TANC2: variants seen among roughly 807,000 people sequenced by gnomAD.
TANC2 encodes protein TANC2.
Under a neutral mutation model 210.5 loss-of-function variants are expected in TANC2, and 26 were observed. The observed-to-expected ratio is 0.12, with a 90% CI of 0.09 to 0.17. TANC2 has a LOEUF of 0.17. TANC2 is among the 10% of genes least tolerant of loss of function. The probability of loss-of-function intolerance (pLI) is 1.00; values close to 1 mark genes in which losing one functional copy is unlikely to be tolerated. For synonymous variants in TANC2, 931 were observed against 967.1 expected (o/e 0.96, Z 0.69); for missense variants, 2,129 against 2,608.9 (o/e 0.82, Z 4.01).
chr17:63,389,338 A>G, exon 17 of TANC2: 1 of 1,612,810 alleles, frequency 6.2e-7, no homozygotes, highest in Non-Finnish European at 8.5e-7. Context: ...GGGAGGTGCC[A>G]ATATTAATTA....
intron 9 of TANC2, 48 bp from the exon 10 acceptor site, chr17:63,314,340 C>G: frequency 6.3e-7 from 1 of 1,596,736 alleles, no homozygotes; most frequent in Non-Finnish European, 8.6e-7. Context: ...TTGTTTCTCT[C>G]AATGTTGACA....
intron 3 of TANC2, among the ~76,000 whole-genome samples, chr17:63,080,922 C>A (rs1200122677): frequency 1.3e-5 from 2 of 152,068 alleles, no homozygotes; most frequent in Admixed American, 1.3e-4. Context: ...TGTGAAAGTA[C>A]TATTATTTTC....
intron 10 of TANC2, among the ~76,000 whole-genome samples, chr17:63,315,037 C>G (rs146959017): frequency 1.3e-5 from 2 of 152,294 alleles, no homozygotes; most frequent in Non-Finnish European, 2.9e-5. Context: ...TATTTGCCAG[C>G]ACAGTCTGTT....
intron 1 of TANC2, among the ~76,000 whole-genome samples, chr17:62,980,187 C>T (rs148631443): frequency 2.0e-5 from 3 of 152,320 alleles, no homozygotes; most frequent in African/African-American, 7.2e-5. Flanking sequence ...CCTGAGGGCA[C>T]TCCTTCCCCT....
At chr17:63,124,024 T>G (rs1169340264) in intron 4 of TANC2, among the ~76,000 whole-genome samples, 1 of 152,124 alleles carries the variant, frequency 6.6e-6, no homozygotes, top group African/African-American at 2.4e-5. Flanking sequence ...AGGATGCGAA[T>G]TGAACAAATA....
chr17:63,219,167 A>G (rs573437040), intron 7 of TANC2, among the ~76,000 whole-genome samples: 1 of 152,344 alleles, frequency 6.6e-6, no homozygotes, highest in African/African-American at 2.4e-5. Context: ...TACTGTTAAG[A>G]TGTCAATTCT....
intron 14 of TANC2, among the ~76,000 whole-genome samples, chr17:63,376,269 T>TA (rs2047421156): frequency 7.8e-6 from 1 of 128,890 alleles, no homozygotes; most frequent in Non-Finnish European, 1.7e-5. Context: ...CCATCTCTAC[T>TA]AAAAAATACA....
intron 11 of TANC2, among the ~76,000 whole-genome samples, chr17:63,337,979 A>G (rs2146770520): frequency 6.6e-6 from 1 of 152,334 alleles, no homozygotes; most frequent in East Asian, 1.9e-4. Context: ...ATAGTATTCC[A>G]TGGTGTATAT....
intron 3 of TANC2, among the ~76,000 whole-genome samples, chr17:63,097,949 A>G (rs903036834): frequency 1.3e-5 from 2 of 152,090 alleles, no homozygotes; most frequent in Non-Finnish European, 2.9e-5. Context: ...CTACATTTAC[A>G]TCTATTTATT....
intron 10 of TANC2, among the ~76,000 whole-genome samples, chr17:63,315,719 T>C (rs1167007417): frequency 6.6e-6 from 1 of 152,222 alleles, no homozygotes; most frequent in East Asian, 1.9e-4. Flanking sequence ...TGCTGGAAAC[T>C]TAACAGGAAC....
At chr17:63,069,078 G>A (rs1425705927) in intron 2 of TANC2, among the ~76,000 whole-genome samples, 1 of 151,976 alleles carries the variant, frequency 6.6e-6, no homozygotes, top group Non-Finnish European at 1.5e-5. Context: ...GTAAATATGG[G>A]AAATCTTAAG....
At chr17:63,114,969 C>T (rs533622696) in intron 4 of TANC2, among the ~76,000 whole-genome samples, 4 of 152,106 alleles carry the variant, frequency 2.6e-5, no homozygotes, top group South Asian at 2.1e-4. Context: ...GCATAAGCAA[C>T]GTTAGAAAAA....
At chr17:63,169,200 G>T (rs1045108377) in intron 5 of TANC2, among the ~76,000 whole-genome samples, 1 of 152,118 alleles carries the variant, frequency 6.6e-6, no homozygotes, top group African/African-American at 2.4e-5. Flanking sequence ...ACAGTGTTAA[G>T]AATTATCTTG....
At chr17:63,082,640 T>A (rs1006183368) in intron 3 of TANC2, among the ~76,000 whole-genome samples, 1 of 152,196 alleles carries the variant, frequency 6.6e-6, no homozygotes, top group Middle Eastern at 3.2e-3. Flanking sequence ...TATTGGCATA[T>A]GTACCTACCT....
chr17:63,279,857 G>T (rs1445668272), intron 9 of TANC2, among the ~76,000 whole-genome samples: 2 of 152,014 alleles, frequency 1.3e-5, no homozygotes, highest in Admixed American at 1.3e-4. Flanking sequence ...TTCTAGAAAG[G>T]TCTTAGATTG....
At chr17:63,125,481 G>GT (rs1204796499) in intron 4 of TANC2, among the ~76,000 whole-genome samples, 1 of 152,148 alleles carries the variant, frequency 6.6e-6, no homozygotes, top group Non-Finnish European at 1.5e-5. Flanking sequence ...GCAGAGAGTA[G>GT]TTACAACTTG....
chr17:63,418,257 A>T lies in TANC2; in HGVS notation c.4168-50A>T, dbSNP rs755069941. The T allele has an allele frequency of 2.6e-6, 4 of 1,538,270 alleles. No homozygotes were observed. The highest frequency in any genetic ancestry group is 3.6e-6 in the Non-Finnish European group (4 of 1,126,666). ...AATTTGTTTTATTCCCAAGTTGTCT[A>T]TTTTTTATATCTCATCAATGACTCA... On this transcript the variant is annotated intron_variant, in intron 26 of 27. Coordinates refer to ENST00000689528, the Ensembl canonical transcript of TANC2. This position sits in a 1 kb window ranked among gnomAD's most constrained non-coding sequence, Gnocchi z 4.6.
At chr17:62,978,364 T>C (rs2032133284) in intron 1 of TANC2, 1 of 152,214 alleles carries the variant, frequency 6.6e-6, no homozygotes, top group East Asian at 1.9e-4. Flanking sequence ...CGTATTGTAT[T>C]TATACAAAAT....
intron 14 of TANC2, among the ~76,000 whole-genome samples, chr17:63,360,221 G>A (rs988863839): frequency 6.6e-6 from 1 of 152,200 alleles, no homozygotes; most frequent in Non-Finnish European, 1.5e-5. Flanking sequence ...CAGGCAAGAT[G>A]ACAATTAACC....
Sources: gnomAD v4.1 joint callset for allele counts (sites outside exome capture counted in the v4.1 genomes callset) on GRCh38, gnomAD v4.1.1 for gene constraint, Gnocchi (gnomAD v3.1) non-coding constraint, MANE v1.5 for transcripts, NCBI Gene and HGNC (gene_info 2026-07-23, HGNC 2026-07-21) for gene names.